CCSER1: variants seen among roughly 807,000 people sequenced by gnomAD.
The protein encoded by CCSER1 is coiled-coil serine rich protein 1.
CCSER1 carries 41 observed loss-of-function variants against 82.0 expected under a neutral mutation model. The observed-to-expected ratio is 0.50, with a 90% confidence interval of 0.39 to 0.65. The LOEUF (loss-of-function observed/expected upper bound fraction) is 0.65. CCSER1 is among the 30% of genes least tolerant of loss of function. The probability of loss-of-function intolerance (pLI) is 0.00; values close to 1 mark genes in which losing one functional copy is unlikely to be tolerated. For synonymous variants in CCSER1, 414 were observed against 383.9 expected (o/e 1.08, Z -0.92); for missense variants, 1,119 against 1,064.2 (o/e 1.05, Z -0.72).
intron 1 of CCSER1, among the ~76,000 whole-genome samples, chr4:90,204,846 G>T (rs967742858): frequency 6.6e-6 from 1 of 152,122 alleles, no homozygotes; most frequent in Non-Finnish European, 1.5e-5. Flanking sequence ...TTTTCCATTT[G>T]TTTGTGTCCT....
At chr4:90,974,613 G>T (rs1735438623) in intron 9 of CCSER1, among the ~76,000 whole-genome samples, 1 of 151,248 alleles carries the variant, frequency 6.6e-6, no homozygotes. Flanking sequence ...TGCATGACAA[G>T]AGTCTCAGCA....
chr4:90,412,114 C>A (rs1398909021), intron 4 of CCSER1, among the ~76,000 whole-genome samples: 1 of 151,894 alleles, frequency 6.6e-6, no homozygotes, highest in Non-Finnish European at 1.5e-5. Context: ...CACATATATA[C>A]CATGGAATAC....
At chr4:90,950,770 C>T (rs997554206) in intron 9 of CCSER1, among the ~76,000 whole-genome samples, 16 of 152,032 alleles carry the variant, frequency 1.1e-4, no homozygotes, top group Non-Finnish European at 1.5e-5. Context: ...GAAAACAATA[C>T]GATTGTACTG....
chr4:90,785,448 C>T (rs1754371479), intron 7 of CCSER1, among the ~76,000 whole-genome samples: 1 of 152,128 alleles, frequency 6.6e-6, no homozygotes, highest in South Asian at 2.1e-4. Flanking sequence ...GGATAAAGTT[C>T]AAGTGGCAAT....
intron 10 of CCSER1, among the ~76,000 whole-genome samples, chr4:91,272,390 A>G (rs1314130447): frequency 6.6e-6 from 1 of 152,056 alleles, no homozygotes; most frequent in African/African-American, 2.4e-5. Context: ...AGCCATTTGT[A>G]TATCTTCTTT....
intron 10 of CCSER1, among the ~76,000 whole-genome samples, chr4:91,509,374 C>T (rs1234322514): frequency 6.6e-6 from 1 of 152,092 alleles, no homozygotes; most frequent in Non-Finnish European, 1.5e-5. Context: ...TTAATTTCCA[C>T]GCATTTGTAA....
At chr4:90,152,042 G>A (rs892127704) in intron 1 of CCSER1, among the ~76,000 whole-genome samples, 1 of 152,174 alleles carries the variant, frequency 6.6e-6, no homozygotes, top group South Asian at 2.1e-4. Flanking sequence ...TTAAGTCTGT[G>A]TATGCATATC....
chr4:90,904,494 C>T (rs1488402919), intron 8 of CCSER1, among the ~76,000 whole-genome samples: 4 of 152,020 alleles, frequency 2.6e-5, no homozygotes, highest in Non-Finnish European at 5.9e-5. Flanking sequence ...ACCATAATTG[C>T]CAGAAAGGTT....
chr4:90,426,760 C>G (rs17016995), intron 4 of CCSER1, among the ~76,000 whole-genome samples: 2,563 of 151,122 alleles, frequency 0.017, 71 homozygotes, highest in African/African-American at 0.06. Context: ...TTATATGACT[C>G]TATTCTCTAT....
chr4:90,840,975 A>G (rs1762499159), intron 8 of CCSER1, among the ~76,000 whole-genome samples: 1 of 152,170 alleles, frequency 6.6e-6, no homozygotes, highest in Admixed American at 6.5e-5. Flanking sequence ...ATTACCTAAG[A>G]TTCCCTACAG....
At chr4:90,701,497 A>G (rs1485186168) in intron 6 of CCSER1, among the ~76,000 whole-genome samples, 2 of 152,164 alleles carry the variant, frequency 1.3e-5, no homozygotes, top group South Asian at 2.1e-4. Flanking sequence ...TGAACTTTAA[A>G]TTAGTTTTTT....
At chr4:90,914,907 A>C (rs1340390590) in intron 8 of CCSER1, among the ~76,000 whole-genome samples, 1 of 152,194 alleles carries the variant, frequency 6.6e-6, no homozygotes, top group Non-Finnish European at 1.5e-5. Context: ...ATAAACTAGA[A>C]AATCTAGAAG....
intron 3 of CCSER1, among the ~76,000 whole-genome samples, chr4:90,331,852 T>G (rs1199023814): frequency 3.9e-5 from 6 of 152,078 alleles, no homozygotes; most frequent in Admixed American, 3.9e-4. Context: ...AAAGGTTGTA[T>G]TATACATTTG....
At position 90,681,722 on chromosome 4, in the gene CCSER1, G is replaced by C. The variant is rs1733933830; in HGVS notation, c.1933-42192G>C. On this transcript the variant is annotated intron_variant, in intron 6 of 10. Transcript: ENST00000509176. ...CGCTCACGCTGGGAGCTGTAGACCG[G>C]AGCTGTTCCTATTCGGCCATCTTGG... 1.1e-3 allele frequency among the ~76,000 whole-genome samples: 2 copies of C among 1,894 alleles called. 1 individual carries two copies. Among genetic ancestry groups the C allele is most frequent in the South Asian group, 0.025 (2 of 80 alleles). The allele number at this position is 1,894 out of a possible 152,430, so 1.2% of individuals were successfully genotyped here.
At chr4:90,154,193 T>A (rs1727530346) in intron 1 of CCSER1, among the ~76,000 whole-genome samples, 2 of 152,138 alleles carry the variant, frequency 1.3e-5, no homozygotes, top group South Asian at 2.1e-4. Flanking sequence ...GTTTTAGATA[T>A]GCGGCGTAGA....
intron 7 of CCSER1, among the ~76,000 whole-genome samples, chr4:90,732,839 C>T (rs889212838): frequency 1.1e-4 from 17 of 152,280 alleles, no homozygotes; most frequent in African/African-American, 3.8e-4. Context: ...AGCTCCATCC[C>T]TGTTGTTACA....
intron 5 of CCSER1, among the ~76,000 whole-genome samples, chr4:90,623,821 A>G (rs558061651): frequency 2.6e-5 from 4 of 152,328 alleles, no homozygotes; most frequent in South Asian, 2.1e-4. Flanking sequence ...TTCATAATCA[A>G]CAGCCTTTTT....
intron 10 of CCSER1, among the ~76,000 whole-genome samples, chr4:91,254,509 G>A (rs1301308910): frequency 6.6e-6 from 1 of 152,102 alleles, no homozygotes; most frequent in East Asian, 1.9e-4. Flanking sequence ...TATAAAGGCT[G>A]GAAACAGAAT....
intron 1 of CCSER1, among the ~76,000 whole-genome samples, chr4:90,299,220 C>T (rs1560975882): frequency 1.3e-5 from 2 of 151,566 alleles, no homozygotes; most frequent in Admixed American, 1.3e-4. Flanking sequence ...ACTTGCACAC[C>T]ACTCACCCTC....
Sources: allele counts gnomAD v4.1 joint callset (sites outside exome capture counted in the v4.1 genomes callset), GRCh38; gene constraint gnomAD v4.1.1; transcripts MANE v1.5; gene names NCBI Gene and HGNC (gene_info 2026-07-23, HGNC 2026-07-21).